Variants in SLC24A2 observed in about 807,000 individuals in gnomAD.
SLC24A2 encodes the protein solute carrier family 24 member 2.
SLC24A2 carries 36 observed loss-of-function variants against 62.0 expected under a neutral mutation model. The observed-to-expected ratio is 0.58, with a 90% CI of 0.44 to 0.77. SLC24A2 has a LOEUF of 0.77. Ranked by LOEUF, SLC24A2 falls within the 30% of genes least tolerant of loss-of-function variation. The probability of loss-of-function intolerance (pLI) is 0.00; values close to 1 mark genes in which losing one functional copy is unlikely to be tolerated. For missense variants in SLC24A2, 846 were observed against 817.9 expected (o/e 1.03, Z -0.42); for synonymous variants, 358 against 294.0 (o/e 1.22, Z -2.23).
At chr9:19,996,896 C>T in the SLC24A2 span, among the ~76,000 whole-genome samples, 3 of 151,822 alleles carry the variant, frequency 2.0e-5, no homozygotes, top group Admixed American at 2.0e-4. Flanking sequence ...AGGTATTAAA[C>T]TAAGTAGCAA....
the SLC24A2 span, among the ~76,000 whole-genome samples, chr9:20,088,773 CG>C: frequency 2.0e-5 from 3 of 151,692 alleles, no homozygotes; most frequent in Admixed American, 6.6e-5. Context: ...ACCTCTGCAT[CG>C]GGGTCCCCAG....
the SLC24A2 span, among the ~76,000 whole-genome samples, chr9:19,856,634 C>T: frequency 6.6e-6 from 1 of 152,126 alleles, no homozygotes; most frequent in Non-Finnish European, 1.5e-5. Flanking sequence ...GTGGAGGCTG[C>T]AGAATAGCAA....
At chr9:20,088,900 C>G in the SLC24A2 span, among the ~76,000 whole-genome samples, 2 of 152,176 alleles carry the variant, frequency 1.3e-5, no homozygotes, top group East Asian at 3.9e-4. Flanking sequence ...CTGTTGATAC[C>G]TTCAGGTACT....
chr9:19,824,921 C>T, the SLC24A2 span, among the ~76,000 whole-genome samples: 2 of 152,074 alleles, frequency 1.3e-5, no homozygotes, highest in African/African-American at 2.4e-5. Flanking sequence ...AACACAGGAA[C>T]AGAAAACCAA....
the SLC24A2 span, among the ~76,000 whole-genome samples, chr9:20,076,863 A>ATATATATATATATATACATATCATATG: frequency 9.9e-4 from 47 of 47,384 alleles, no homozygotes; most frequent in African/African-American, 5.9e-3. Flanking sequence ...TATCATATGT[A>ATATATATATATATATACATATCATATG]TATATATATA....
At chr9:19,560,279 T>C (rs1057035471) in intron 7 of SLC24A2, among the ~76,000 whole-genome samples, 22 of 151,798 alleles carry the variant, frequency 1.4e-4, no homozygotes, top group Admixed American at 3.9e-4. Flanking sequence ...CTGACTGTTA[T>C]AGACTGAAAG....
At chr9:20,266,977 G>A in the SLC24A2 span, among the ~76,000 whole-genome samples, 1 of 151,464 alleles carries the variant, frequency 6.6e-6, no homozygotes, top group African/African-American at 2.4e-5. Context: ...AGCTACTTGG[G>A]TAGCTGAGGC....
chr9:20,089,885 G>A, the SLC24A2 span, among the ~76,000 whole-genome samples: 36 of 151,890 alleles, frequency 2.4e-4, 3 homozygotes, highest in South Asian at 4.8e-3. Flanking sequence ...CCCAACAAGC[G>A]CAACCCCAAG....
At chr9:19,970,102 C>G in the SLC24A2 span, among the ~76,000 whole-genome samples, 35 of 152,198 alleles carry the variant, frequency 2.3e-4, 1 homozygote, top group Admixed American at 2.3e-3. Flanking sequence ...GCAGTCTGGA[C>G]AAGGCCCCTT....
intron 2 of SLC24A2, among the ~76,000 whole-genome samples, chr9:19,654,266 A>G (rs1321195384): frequency 6.6e-6 from 1 of 152,172 alleles, no homozygotes; most frequent in Non-Finnish European, 1.5e-5. Flanking sequence ...TTGAATAAGC[A>G]TGAGTTTGTA....
the SLC24A2 span, among the ~76,000 whole-genome samples, chr9:20,230,522 T>A: frequency 5.7e-4 from 87 of 152,388 alleles, 2 homozygotes; most frequent in East Asian, 0.016. Flanking sequence ...TTTGGCTGCA[T>A]AAATGTCTTC....
the SLC24A2 span, among the ~76,000 whole-genome samples, chr9:20,159,682 A>C: frequency 1.3e-5 from 2 of 151,542 alleles, no homozygotes. Flanking sequence ...GGATGTCAGC[A>C]AATAACATTC....
intron 10 of SLC24A2, among the ~76,000 whole-genome samples, chr9:19,518,436 T>C (rs1319851112): frequency 6.6e-6 from 1 of 151,316 alleles, no homozygotes; most frequent in African/African-American, 2.4e-5. Flanking sequence ...TTTTTTTTTT[T>C]TTTGAGATGG....
At chr9:20,276,341 G>C in the SLC24A2 span, among the ~76,000 whole-genome samples, 2 of 152,176 alleles carry the variant, frequency 1.3e-5, no homozygotes, top group Admixed American at 6.5e-5. Flanking sequence ...AATCCAGCTG[G>C]GCAGGCAAAT....
At chr9:20,301,548 A>T in the SLC24A2 span, among the ~76,000 whole-genome samples, 1 of 150,828 alleles carries the variant, frequency 6.6e-6, no homozygotes, top group African/African-American at 2.4e-5. Flanking sequence ...AGGGTATCAT[A>T]GTAAGAGATG....
At chr9:20,132,798 A>C in the SLC24A2 span, among the ~76,000 whole-genome samples, 2 of 152,268 alleles carry the variant, frequency 1.3e-5, no homozygotes, top group East Asian at 3.9e-4. Flanking sequence ...TCAATTTATA[A>C]ATTTTGTTAT....
At chr9:19,859,924 G>C in the SLC24A2 span, among the ~76,000 whole-genome samples, 1 of 152,172 alleles carries the variant, frequency 6.6e-6, no homozygotes, top group Non-Finnish European at 1.5e-5. Flanking sequence ...GAGAGGAATT[G>C]CTCATCCCAG....
chr9:20,152,899 T>C, the SLC24A2 span, among the ~76,000 whole-genome samples: 1 of 151,936 alleles, frequency 6.6e-6, no homozygotes, highest in South Asian at 2.1e-4. Flanking sequence ...AAAGAGTGCC[T>C]CAAAACTCTT....
rs1374591971 is a variant in SLC24A2 at position 19,573,374 on chromosome 9, T to C, written c.1324A>G (p.Asn442Asp). ...EPVQNGNLSH[N>D]IEGAEAQTAD... The stretch of plus-strand genomic sequence containing the variant: ...ACCTGGGCTTCTGCACCTTCAATGT[T>C]GTGGGAGAGATTTCCATTTTGTACA... The change falls in exon 7 of 11, where the codon AAC becomes GAC. Residue 442 changes from asparagine to aspartate, a missense_variant. Physicochemically the swap from Asn to Asp is conservative, Grantham distance 23 (BLOSUM62 1). Coordinates refer to ENST00000341998, the MANE Select transcript of SLC24A2 (RefSeq NM_020344.4). The C allele has an allele frequency of 6.2e-7, 1 of 1,612,310 alleles. No homozygotes were observed. The highest frequency in any genetic ancestry group is 8.5e-7 in the Non-Finnish European group (1 of 1,178,602).
Sources: gnomAD v4.1 joint callset for allele counts (sites outside exome capture counted in the v4.1 genomes callset) on GRCh38, gnomAD v4.1.1 for gene constraint, MANE v1.5 for transcripts, NCBI Gene and HGNC (gene_info 2026-07-23, HGNC 2026-07-21) for gene names.